Variants in PCDHGA6 observed in about 807,000 individuals in gnomAD.
The protein encoded by PCDHGA6 is protocadherin gamma subfamily A, 6, also known as protocadherin gamma-A6.
A neutral mutation model predicts 60.6 loss-of-function variants in PCDHGA6; 41 were observed. The observed-to-expected ratio is 0.68, with a 90% CI of 0.53 to 0.88. The LOEUF (loss-of-function observed/expected upper bound fraction) is 0.88, where lower values mean the gene tolerates loss of function less well. Among genes scored for constraint, PCDHGA6 ranks in the 40% least tolerant of loss-of-function variants. PCDHGA6 has a pLI of 0.00. For missense variants in PCDHGA6, 1,312 were observed against 1,203.0 expected, an observed-to-expected ratio of 1.09 and a Z score of -1.34; for synonymous variants, 594 against 524.4, an observed-to-expected ratio of 1.13 and a Z score of -1.81.
At chr5:141,388,568 ACACG>A in intron 1 of PCDHGA6, 1 of 1,613,888 alleles carries the variant, frequency 6.2e-7, no homozygotes, top group Non-Finnish European at 8.5e-7. Context: ...CTGCACAGAT[ACACG>A]TTCTAGTGAC....
rs759050511 is a variant in PCDHGA6 at position 141,374,635 on chromosome 5, C to A, written c.552C>A (p.Ser184Arg). Reference sequence around the variant, plus strand: ...GTCACTTCTCAGTGGACGTGCAAAGCGAAGCCCATGGGCCCAAGTACCCGG... The same window carrying A: ...GTCACTTCTCAGTGGACGTGCAAAGAGAAGCCCATGGGCCCAAGTACCCGG... Reference protein sequence around the residue: ...GNSHFSVDVQSEAHGPKYPEL... With the variant: ...GNSHFSVDVQREAHGPKYPEL... Residue 184 changes from serine to arginine, a missense_variant, in exon 1 of 4, where the codon AGC becomes AGA. Physicochemically the swap from Ser to Arg is moderately radical, Grantham distance 110. Transcript: ENST00000517434. 3.7e-6 allele frequency: 6 copies of A among 1,612,926 alleles called. No homozygotes were observed. The highest frequency in any genetic ancestry group is 4.2e-6 in the Non-Finnish European group (5 of 1,179,470).
rs758172004 is a variant in PCDHGA6, at chr5:141,477,909, C to T, written c.2425-16898C>T. On this transcript the variant is annotated intron_variant, in intron 1 of 3. Transcript: ENST00000517434. This position sits in a 1 kb window ranked among gnomAD's most constrained non-coding sequence, Gnocchi z 4.9. ...GTGTCACGGGTGGTAGGCTGGGACGCGGATGCAGGGCACAATGCCTGGCTC... is the reference window on the plus strand; with the variant it reads ...GTGTCACGGGTGGTAGGCTGGGACGTGGATGCAGGGCACAATGCCTGGCTC... 2 of 1,614,166 alleles carry T rather than the reference C, an allele frequency of 1.2e-6. No individual in the cohort carries two copies. Among genetic ancestry groups the T allele is most frequent in the Admixed American group, 1.7e-5 (1 of 60,016 alleles).
intron 2 of PCDHGA6, among the ~76,000 whole-genome samples, chr5:141,497,126 C>T (rs565697662): frequency 8.2e-4 from 125 of 151,844 alleles, no homozygotes; most frequent in African/African-American, 3.0e-3. Flanking sequence ...GCAGAGGTTG[C>T]AGTGAGCTGA....
intron 1 of PCDHGA6, chr5:141,423,296 T>G (rs771340929): frequency 6.2e-7 from 1 of 1,614,124 alleles, no homozygotes; most frequent in Non-Finnish European, 8.5e-7. Context: ...ACCTCAGACC[T>G]CTCGCTGTAC....
chr5:141,399,632 C>G, intron 1 of PCDHGA6: 1 of 1,613,894 alleles, frequency 6.2e-7, no homozygotes, highest in Non-Finnish European at 8.5e-7. Flanking sequence ...TCTTACGTGT[C>G]CATGAGCGCG....
chr5:141,470,019 C>G (rs2099219272), intron 1 of PCDHGA6, among the ~76,000 whole-genome samples: 1 of 152,154 alleles, frequency 6.6e-6, no homozygotes, highest in South Asian at 2.1e-4. Context: ...ATCCCAGCTA[C>G]TCGGGATGCT....
At chr5:141,492,402 C>A (rs1254310448) in intron 1 of PCDHGA6, among the ~76,000 whole-genome samples, 1 of 152,232 alleles carries the variant, frequency 6.6e-6, no homozygotes, top group African/African-American at 2.4e-5. Flanking sequence ...TCGCAGCTCC[C>A]CTCTGCCGCT....
chr5:141,408,144 G>A (rs868032463), intron 1 of PCDHGA6: 1 of 1,496,186 alleles, frequency 6.7e-7, no homozygotes, highest in Non-Finnish European at 8.9e-7. Flanking sequence ...CTTTTAGCGC[G>A]GTAGAGTGCA....
In PCDHGA6 at chr5:141,485,368, G is replaced by T. The variant is rs2154580406; in HGVS notation, c.2425-9439G>T. On this transcript the variant is annotated intron_variant, in intron 1 of 3. Coordinates refer to ENST00000517434, the MANE Select transcript of PCDHGA6 (RefSeq NM_018919.3). This position sits in a 1 kb window ranked among gnomAD's most constrained non-coding sequence, Gnocchi z 5.7. Reference sequence around the variant, plus strand: ...ACAGTCTGTCAGCTCGCAGGCTGCAGGTCGCTGGAGAGGTGAACCAAAGAC... The same window carrying T: ...ACAGTCTGTCAGCTCGCAGGCTGCATGTCGCTGGAGAGGTGAACCAAAGAC... The T allele has an allele frequency of 6.2e-7, 1 of 1,614,144 alleles. No individual in the cohort carries two copies. The highest frequency in any genetic ancestry group is 2.2e-5 in the East Asian group (1 of 44,866).
Position 141,432,846 on chromosome 5 carries a change from C to T in PCDHGA6, c.2424+56339C>T, listed in dbSNP as rs1312403897. ...GACCTCACTCTGTACCTGGTGGTAGCGGTGGCCGCGGTCTCCTGCGTCTTC... is the reference window on the plus strand; with the variant it reads ...GACCTCACTCTGTACCTGGTGGTAGTGGTGGCCGCGGTCTCCTGCGTCTTC... On this transcript the variant is annotated intron_variant, in intron 1 of 3. Transcript: ENST00000517434. The surrounding 1 kb of genome is among the most constrained non-coding windows in gnomAD (Gnocchi z 6.0). 2.5e-6 allele frequency: 4 copies of T among 1,614,192 alleles called. No homozygotes were observed. The African/African-American group carries it at 5.3e-5, about 22-fold the overall frequency.
chr5:141,415,400 C>G (rs754292889), intron 1 of PCDHGA6: 3 of 1,614,110 alleles, frequency 1.9e-6, no homozygotes, highest in Non-Finnish European at 2.5e-6. Context: ...GTGTCCGGCT[C>G]GCACTTTGTG....
chr5:141,463,574 G>A (rs942457606), intron 1 of PCDHGA6, among the ~76,000 whole-genome samples: 1 of 146,978 alleles, frequency 6.8e-6, no homozygotes, highest in Non-Finnish European at 1.5e-5. Flanking sequence ...TCAGCCTCCC[G>A]AGTAGCTGGG....
At chr5:141,499,247 A>C (rs908111927) in intron 2 of PCDHGA6, among the ~76,000 whole-genome samples, 1 of 152,036 alleles carries the variant, frequency 6.6e-6, no homozygotes, top group Non-Finnish European at 1.5e-5. Flanking sequence ...CTCTGCACAA[A>C]GAGTCTCCAT....
chr5:141,393,964 G>C, intron 1 of PCDHGA6: 1 of 1,613,870 alleles, frequency 6.2e-7, no homozygotes, highest in Middle Eastern at 1.6e-4. Flanking sequence ...CAAGTTGTCT[G>C]TTACACACGT....
rs541220236 is a variant in PCDHGA6, at chr5:141,382,835, C to A, written c.2424+6328C>A. On this transcript the variant is annotated intron_variant, in intron 1 of 3. Transcript: ENST00000517434. Reference sequence around the variant, plus strand: ...CCTTCCTAAGACAGAGGGGTCCACCCGGATACACCCGCATTCTGAAGCACT... The same window carrying A: ...CCTTCCTAAGACAGAGGGGTCCACCAGGATACACCCGCATTCTGAAGCACT... The A allele has an allele frequency of 2.7e-4, 387 of 1,431,176 alleles. 2 individuals carry two copies. In the Middle Eastern group the frequency reaches 2.8e-3, roughly 10 times the overall value. The allele number at this position is 1,431,176 out of a possible 1,614,324, so 88.7% of individuals were successfully genotyped here. A position where few individuals can be genotyped will look rare whatever the true frequency, so the allele number is the denominator to read the frequency against.
intron 1 of PCDHGA6, chr5:141,421,287 C>T: frequency 1.2e-6 from 2 of 1,613,240 alleles, no homozygotes; most frequent in Non-Finnish European, 1.7e-6. Flanking sequence ...TGTGCATTTT[C>T]CTGGGGACGC....
At chr5:141,384,470 A>G in intron 1 of PCDHGA6, 1 of 1,614,120 alleles carries the variant, frequency 6.2e-7, no homozygotes, top group South Asian at 1.1e-5. Context: ...GATTATGAGC[A>G]GTTGAGAGAA....
intron 1 of PCDHGA6, among the ~76,000 whole-genome samples, chr5:141,454,491 C>T (rs956727548): frequency 6.6e-6 from 1 of 152,194 alleles, no homozygotes; most frequent in South Asian, 2.1e-4. Context: ...ACCGCAACCT[C>T]CACCTCCTGG....
At chr5:141,413,090 C>A in intron 1 of PCDHGA6, 2 of 1,391,312 alleles carry the variant, frequency 1.4e-6, no homozygotes, top group Non-Finnish European at 1.9e-6. Flanking sequence ...ACAGAGACAC[C>A]CTGAAGCCAC....
Sources: gnomAD v4.1 joint callset for allele counts (sites outside exome capture counted in the v4.1 genomes callset) on GRCh38, gnomAD v4.1.1 for gene constraint, Gnocchi (gnomAD v3.1) non-coding constraint, MANE v1.5 for transcripts, NCBI Gene and HGNC (gene_info 2026-07-23, HGNC 2026-07-21) for gene names.